MAT2B: variants seen among roughly 807,000 people sequenced by gnomAD.
MAT2B encodes methionine adenosyltransferase 2 non-catalytic beta subunit, also known as methionine adenosyltransferase 2 subunit beta.
Under a neutral mutation model 36.1 loss-of-function variants are expected in MAT2B, and 16 were observed. The observed-to-expected ratio is 0.44, with a 90% CI of 0.30 to 0.67. The LOEUF (loss-of-function observed/expected upper bound fraction) is 0.67, where lower values mean the gene tolerates loss of function less well. Ranked by LOEUF, MAT2B falls within the 30% of genes least tolerant of loss-of-function variation. The pLI is 0.09. For missense variants in MAT2B, 332 were observed against 398.2 expected, an observed-to-expected ratio of 0.83 and a Z score of 1.42; for synonymous variants, 148 against 136.9, an observed-to-expected ratio of 1.08 and a Z score of -0.57.
chr5:163,516,239 G>A (rs768608555), intron 4 of MAT2B, among the ~76,000 whole-genome samples: 7 of 151,956 alleles, frequency 4.6e-5, no homozygotes, highest in Admixed American at 6.6e-5. Flanking sequence ...TTGTAGAGAC[G>A]GAGTTTTGCT....
At chr5:163,508,569 A>G (rs1287484556) in intron 1 of MAT2B, among the ~76,000 whole-genome samples, 3 of 152,112 alleles carry the variant, frequency 2.0e-5, no homozygotes, top group South Asian at 2.1e-4. Context: ...AAAAACAGCT[A>G]TGATTGTATA....
At chr5:163,506,784 G>A (rs11957947) in intron 1 of MAT2B, among the ~76,000 whole-genome samples, 5,683 of 132,564 alleles carry the variant, frequency 0.043, 359 homozygotes, top group African/African-American at 0.13. Context: ...TGCATATAAA[G>A]CTTAATCTAC....
rs1003333906 is a variant in MAT2B at position 163,505,624 on chromosome 5, C to T, written c.-63C>T. 3 of 1,250,886 alleles carry T rather than the reference C, an allele frequency of 2.4e-6. No individual in the cohort carries two copies. The highest frequency in any genetic ancestry group is 2.0e-6 in the Non-Finnish European group (2 of 989,222). The allele number at this position is 1,250,886 out of a possible 1,614,324, so 77.5% of individuals were successfully genotyped here. The stretch of plus-strand genomic sequence containing the variant: ...GGGCCGAGGGCGTCTGAGCTGAGGC[C>T]CGCGTCGATCCTGGGTTGGAGGAGG... On this transcript the variant is annotated 5_prime_UTR_variant, in exon 1 of 7. Transcript: ENST00000321757.
chr5:163,517,685 G>T lies in MAT2B; in HGVS notation c.834+11G>T. On this transcript the variant is annotated intron_variant, in intron 6 of 6. Coordinates refer to ENST00000321757, the MANE Select transcript of MAT2B (RefSeq NM_013283.5). ...AGTCACTTAAGACCTGTAAGTACAT[G>T]GCTGTAAAAACCTTTAGATCCATTG... 1 of 1,556,810 alleles carries T rather than the reference G, an allele frequency of 6.4e-7. No homozygotes were observed. The highest frequency in any genetic ancestry group is 8.9e-7 in the Non-Finnish European group (1 of 1,128,058).
rs763144084 is a variant in MAT2B, at chr5:163,518,223, C to T, written c.865C>T (p.Arg289Cys). The T allele has an allele frequency of 2.3e-5, 37 of 1,611,836 alleles. No homozygotes were observed. In the African/African-American group the frequency reaches 3.3e-4, roughly 15 times the overall value. The change falls in exon 7 of 7, where the codon CGT becomes TGT. Residue 289 changes from arginine (R) to cysteine (C), a missense_variant. Coordinates refer to ENST00000321757, the MANE Select transcript of MAT2B (RefSeq NM_013283.5). Reference protein sequence around the residue: ...ITDSPVLGAQRPRNAQLDCSK... With the variant: ...ITDSPVLGAQCPRNAQLDCSK... Reference sequence around the variant, plus strand: ...TGACAGCCCTGTCCTAGGAGCACAACGTCCGAGAAATGCTCAGCTTGACTG... The same window carrying T: ...TGACAGCCCTGTCCTAGGAGCACAATGTCCGAGAAATGCTCAGCTTGACTG...
intron 1 of MAT2B, among the ~76,000 whole-genome samples, chr5:163,509,521 A>G (rs1274293755): frequency 6.6e-6 from 1 of 152,182 alleles, no homozygotes; most frequent in Non-Finnish European, 1.5e-5. Flanking sequence ...TTTGTGATCT[A>G]AAAGCCCTCC....
Position 163,513,614 on chromosome 5 carries a change from A to G in MAT2B, c.318A>G (p.Pro106=). 1 of 1,614,072 alleles carries G rather than the reference A, an allele frequency of 6.2e-7. No individual in the cohort carries two copies. The highest frequency in any genetic ancestry group is 8.5e-7 in the Non-Finnish European group (1 of 1,179,944). The change falls in exon 3 of 7, where the codon CCA becomes CCG. Residue 106 remains proline, a synonymous_variant. Transcript: ENST00000321757. ...GACCAGATGTTGTAGAAAATCAGCC[A>G]GATGCTGCCTCTCAACTTAATGTGG... ...ERRPDVVENQ[P]DAASQLNVDA...
upstream of MAT2B, chr5:163,503,214 G>A (rs1236977484): frequency 1.7e-6 from 1 of 600,970 alleles, no homozygotes; most frequent in Non-Finnish European, 3.0e-6. Context: ...CTGCCATGTG[G>A]AGAACTGCAC....
chr5:163,518,333 CAA>C lies in MAT2B; in HGVS notation c.976_977del (p.Lys326GlufsTer20). The C allele has an allele frequency of 6.2e-7, 1 of 1,612,244 alleles. No homozygotes were observed. Reference protein sequence around the residue: ...KESLWPFLIDKRWRQTVFH With the variant: ...KESLWPFLIDXRWRQTVFH ...AATCACTTTGGCCTTTCCTCATTGACAAGAGATGGAGACAAACGGTCTTTCAT... is the reference window on the plus strand; with the variant it reads ...AATCACTTTGGCCTTTCCTCATTGACGAGATGGAGACAAACGGTCTTTCAT... On this transcript the variant is annotated frameshift_variant, in exon 7 of 7. Transcript: ENST00000321757. LOFTEE classifies it high-confidence loss of function.
chr5:163,514,975 C>CT lies in MAT2B; in HGVS notation c.526+984dup, dbSNP rs1197246842. Among the ~76,000 whole-genome samples, 15 of 152,278 alleles carry CT rather than the reference C, an allele frequency of 9.9e-5. No individual in the cohort carries two copies. In the East Asian group the frequency reaches 2.7e-3, roughly 27 times the overall value. On this transcript the variant is annotated intron_variant, in intron 4 of 6. Coordinates refer to ENST00000321757, the MANE Select transcript of MAT2B (RefSeq NM_013283.5). ...AGAAGTCCAAGATCAAGGTGAGGGT[C>CT]TTTCTGGTCCTCTGGAGGGGAGGAA...
chr5:163,513,809 A>AAC (rs773728952), intron 3 of MAT2B, 33 bp from the exon 4 acceptor site: 54 of 1,589,640 alleles, frequency 3.4e-5, no homozygotes, highest in South Asian at 5.7e-5. Context: ...ATGTCATGTA[A>AAC]ACATTTAATA....
Position 163,513,665 on chromosome 5 carries a change from A to C in MAT2B, c.369A>C (p.Glu123Asp). 1 of 1,610,444 alleles carries C rather than the reference A, an allele frequency of 6.2e-7. No homozygotes were observed. The highest frequency in any genetic ancestry group is 8.5e-7 in the Non-Finnish European group (1 of 1,177,306). ...NVDASGNLAK[E>D]AAAVGAFLIY... Reference sequence around the variant, plus strand: ...ATGCTTCTGGGAATTTAGCAAAGGAAGCAGGTAATGATGACTTTATAAAAT... The same window carrying C: ...ATGCTTCTGGGAATTTAGCAAAGGACGCAGGTAATGATGACTTTATAAAAT... The change falls in exon 3 of 7, where the codon GAA becomes GAC. Residue 123 changes from glutamate to aspartate, a missense_variant. Coordinates refer to ENST00000321757, the MANE Select transcript of MAT2B (RefSeq NM_013283.5).
intron 4 of MAT2B, among the ~76,000 whole-genome samples, chr5:163,515,649 T>A (rs1249239848): frequency 6.6e-6 from 1 of 152,062 alleles, no homozygotes; most frequent in Non-Finnish European, 1.5e-5. Flanking sequence ...AGACTATTCA[T>A]TGCATTCAGT....
intron 1 of MAT2B, 25 bp from the exon 2 acceptor site, chr5:163,511,977 C>T: frequency 6.4e-7 from 1 of 1,572,932 alleles, no homozygotes. Context: ...GTTAGTAACT[C>T]TTTCTATCCG....
At chr5:163,504,294 A>G (rs1759893452), upstream of MAT2B, among the ~76,000 whole-genome samples, 1 of 150,116 alleles carries the variant, frequency 6.7e-6, no homozygotes, top group Non-Finnish European at 1.5e-5. Flanking sequence ...TTCCCTAAAT[A>G]AAGCCAAACT....
rs1760092814 is a variant in MAT2B at position 163,514,067 on chromosome 5, T to C, written c.526+73T>C. 8.3e-6 allele frequency: 10 copies of C among 1,207,252 alleles called. No homozygotes were observed. In the South Asian group the frequency reaches 1.7e-4, roughly 20 times the overall value. The allele number at this position is 1,207,252 out of a possible 1,614,324, so 74.8% of individuals were successfully genotyped here. On this transcript the variant is annotated intron_variant, in intron 4 of 6. Transcript: ENST00000321757. The stretch of plus-strand genomic sequence containing the variant: ...AATCATTTATACATACACATATATA[T>C]GTTTTAAATTTAAAAAGTCAATGAA...
At chr5:163,503,297 C>T, upstream of MAT2B, 2 of 1,104,108 alleles carry the variant, frequency 1.8e-6, no homozygotes, top group Non-Finnish European at 1.4e-6. Context: ...TTTGGCGTGC[C>T]TGCGCTCTCT....
chr5:163,503,316 A>G, upstream of MAT2B: 1 of 1,375,584 alleles, frequency 7.3e-7, no homozygotes, highest in Non-Finnish European at 1.0e-6. Flanking sequence ...CTGCAGGCAG[A>G]AGCGAACAAA....
At chr5:163,512,491 ACAC>A (rs1760061317) in intron 2 of MAT2B, 1 of 441,882 alleles carries the variant, frequency 2.3e-6, no homozygotes, top group South Asian at 2.1e-5. Context: ...AAACCTCACA[ACAC>A]TGCAAAATAG....
Sources: allele counts gnomAD v4.1 joint callset (sites outside exome capture counted in the v4.1 genomes callset), GRCh38; gene constraint gnomAD v4.1.1; transcripts MANE v1.5; gene names NCBI Gene and HGNC (gene_info 2026-07-23, HGNC 2026-07-21).